Variants in TMEM117 observed in about 807,000 individuals in gnomAD.
TMEM117 encodes the protein transmembrane protein 117.
In TMEM117, 27 loss-of-function variants were observed where a neutral mutation model predicts 52.4. The ratio of observed to expected loss-of-function variants is 0.51; its 90% confidence interval spans 0.38 to 0.71. The LOEUF is 0.71. TMEM117 is among the 30% of genes least tolerant of loss of function. TMEM117 has a pLI of 0.00. For missense variants in TMEM117, 556 were observed against 630.5 expected, an observed-to-expected ratio of 0.88 and a Z score of 1.26; for synonymous variants, 215 against 206.3, an observed-to-expected ratio of 1.04 and a Z score of -0.36.
In TMEM117 at chr12:44,354,013, A is replaced by G. The variant is rs542821720; in HGVS notation, c.769-22582A>G. ...AGTTCTCCTTGAAGAGGTCCTTCACATCCCTTGTAAGTTGGCTTCCTAGGT... is the reference window on the plus strand; with the variant it reads ...AGTTCTCCTTGAAGAGGTCCTTCACGTCCCTTGTAAGTTGGCTTCCTAGGT... On this transcript the variant is annotated intron_variant, in intron 6 of 7. Coordinates refer to ENST00000266534, the MANE Select transcript of TMEM117 (RefSeq NM_032256.3). Among the ~76,000 whole-genome samples the G allele has an allele frequency of 3.5e-4, 53 of 152,262 alleles. 2 individuals are homozygous for G. In the South Asian group the frequency reaches 0.01, roughly 30 times the overall value.
intron 6 of TMEM117, among the ~76,000 whole-genome samples, chr12:44,362,273 A>C (rs1951731272): frequency 6.6e-6 from 1 of 152,056 alleles, no homozygotes; most frequent in Non-Finnish European, 1.5e-5. Flanking sequence ...ATATCACAGC[A>C]CCTGGTACCC....
chr12:44,104,777 C>T (rs1348859457), intron 3 of TMEM117, among the ~76,000 whole-genome samples: 5 of 151,886 alleles, frequency 3.3e-5, no homozygotes, highest in Non-Finnish European at 5.9e-5. Flanking sequence ...TATTTTTTCT[C>T]TCAATGCTTT....
the TMEM117 span, chr12:43,804,562 A>G: frequency 6.3e-7 from 1 of 1,598,498 alleles, no homozygotes; most frequent in Non-Finnish European, 8.5e-7. Context: ...TCTCTTTAAC[A>G]TCTTCACTTG....
At chr12:44,295,092 T>C (rs1950750966) in intron 5 of TMEM117, among the ~76,000 whole-genome samples, 1 of 152,224 alleles carries the variant, frequency 6.6e-6, no homozygotes, top group Non-Finnish European at 1.5e-5. Flanking sequence ...GTTATTTCTT[T>C]AAGCCTTCTG....
chr12:43,950,565 C>A (rs1945203941), intron 3 of TMEM117, among the ~76,000 whole-genome samples: 2 of 149,944 alleles, frequency 1.3e-5, no homozygotes, highest in African/African-American at 4.9e-5. Flanking sequence ...AAAAAGTGTA[C>A]TTTTGTTAAA....
rs1219578852 is a variant in TMEM117 at position 44,091,359 on chromosome 12, G to C, written c.411-52166G>C. Among the ~76,000 whole-genome samples the C allele has an allele frequency of 3.9e-5, 6 of 152,128 alleles. No homozygotes were observed. In the South Asian group the frequency reaches 1.0e-3, roughly 26 times the overall value. ...ACAGCCAAACCATATCAACTTTCTT[G>C]TTGGCAGAATGATTAGGATGAGGCC... On this transcript the variant is annotated intron_variant, in intron 3 of 7. Transcript: ENST00000266534.
At chr12:44,202,987 GT>G (rs1359980934) in intron 4 of TMEM117, among the ~76,000 whole-genome samples, 1 of 151,922 alleles carries the variant, frequency 6.6e-6, no homozygotes, top group Admixed American at 6.6e-5. Context: ...TAGAGACAGG[GT>G]TTTGGTATGT....
chr12:44,004,088 C>T lies in TMEM117; in HGVS notation c.410+59746C>T, dbSNP rs115289491. On this transcript the variant is annotated intron_variant, in intron 3 of 7. Transcript: ENST00000266534. ...TCAATTCTCTGTTTCTGCTCAGACA[C>T]ATCTAAAGGTAATCATTTCCTGCCA... 2.3e-3 allele frequency among the ~76,000 whole-genome samples: 347 copies of T among 152,300 alleles called. 2 individuals are homozygous for T. The highest frequency in any genetic ancestry group is 7.5e-3 in the African/African-American group (311 of 41,576).
At chr12:43,993,350 G>T (rs948847637) in intron 3 of TMEM117, among the ~76,000 whole-genome samples, 1 of 152,220 alleles carries the variant, frequency 6.6e-6, no homozygotes, top group African/African-American at 2.4e-5. Flanking sequence ...GGCACATAAT[G>T]GATGCTCAAC....
intron 2 of TMEM117, among the ~76,000 whole-genome samples, chr12:43,912,507 T>TTATATAGATATATATA (rs1944526558): frequency 7.6e-6 from 1 of 132,086 alleles, no homozygotes; most frequent in Non-Finnish European, 1.5e-5. Flanking sequence ...TAATAATAAT[T>TTATATAGATATATATA]TATATATATA....
intron 4 of TMEM117, among the ~76,000 whole-genome samples, chr12:44,148,025 G>C (rs1315754335): frequency 2.0e-5 from 3 of 152,078 alleles, no homozygotes; most frequent in Non-Finnish European, 4.4e-5. Flanking sequence ...ACCGTATACT[G>C]TGTGTATCAA....
At chr12:43,885,266 A>C (rs749597200) in intron 2 of TMEM117, among the ~76,000 whole-genome samples, 6 of 152,140 alleles carry the variant, frequency 3.9e-5, no homozygotes, top group Non-Finnish European at 8.8e-5. Context: ...GTGTAAGGAC[A>C]CTGTTTTGAG....
the TMEM117 span, among the ~76,000 whole-genome samples, chr12:43,830,297 C>A: frequency 6.6e-6 from 1 of 151,872 alleles, no homozygotes; most frequent in Non-Finnish European, 1.5e-5. Context: ...CCTCTGTTTG[C>A]ATGACTCCTT....
chr12:44,195,745 C>G (rs981150340), intron 4 of TMEM117, among the ~76,000 whole-genome samples: 1 of 151,942 alleles, frequency 6.6e-6, no homozygotes, highest in South Asian at 2.1e-4. Flanking sequence ...ATATAACATA[C>G]TTTCAAAATT....
intron 3 of TMEM117, among the ~76,000 whole-genome samples, chr12:44,114,763 G>T (rs1948107195): frequency 6.6e-6 from 1 of 152,188 alleles, no homozygotes; most frequent in South Asian, 2.1e-4. Context: ...TATAAGGGGT[G>T]AGGGTGGGAG....
At chr12:44,369,468 A>G (rs1262740411) in intron 6 of TMEM117, among the ~76,000 whole-genome samples, 1 of 152,154 alleles carries the variant, frequency 6.6e-6, no homozygotes, top group East Asian at 1.9e-4. Flanking sequence ...TATTACTTAT[A>G]TTTCATTTAT....
intron 3 of TMEM117, among the ~76,000 whole-genome samples, chr12:44,035,322 C>A (rs1339020405): frequency 6.6e-6 from 1 of 152,170 alleles, no homozygotes; most frequent in Non-Finnish European, 1.5e-5. Context: ...GAGTAGATGA[C>A]TGCTTATGTA....
chr12:44,153,174 A>G (rs1374577068), intron 4 of TMEM117, among the ~76,000 whole-genome samples: 1 of 151,934 alleles, frequency 6.6e-6, no homozygotes, highest in Non-Finnish European at 1.5e-5. Flanking sequence ...CATCCATAAA[A>G]ACCCTGAAAC....
intron 3 of TMEM117, among the ~76,000 whole-genome samples, chr12:43,951,961 G>GT (rs1565766148): frequency 1.3e-5 from 2 of 152,182 alleles, no homozygotes. Context: ...AATCTTTGCT[G>GT]TTCTGCAGCC....
Sources: allele counts gnomAD v4.1 joint callset (sites outside exome capture counted in the v4.1 genomes callset), GRCh38; gene constraint gnomAD v4.1.1; transcripts MANE v1.5; gene names NCBI Gene and HGNC (gene_info 2026-07-23, HGNC 2026-07-21).